MYO10: variants seen among roughly 807,000 people sequenced by gnomAD.
MYO10 encodes myosin X, also known as unconventional myosin-X.
In MYO10, 133 loss-of-function variants were observed where a neutral mutation model predicts 257.3. That is an observed-to-expected ratio of 0.52 (90% CI 0.45 to 0.60). The LOEUF (loss-of-function observed/expected upper bound fraction) is 0.60, where lower values mean the gene tolerates loss of function less well. MYO10 is among the 20% of genes least tolerant of loss of function. The pLI is 0.00. For missense variants in MYO10, 2,399 were observed against 2,635.7 expected (o/e 0.91, Z 1.97); for synonymous variants, 1,104 against 1,028.6 (o/e 1.07, Z -1.40).
chr5:16,931,872 C>T (rs1040805070), intron 1 of MYO10, among the ~76,000 whole-genome samples: 4 of 152,164 alleles, frequency 2.6e-5, no homozygotes, highest in Non-Finnish European at 5.9e-5. Flanking sequence ...ATAACAATGT[C>T]CACATTTTTC....
intron 39 of MYO10, among the ~76,000 whole-genome samples, chr5:16,669,414 C>T (rs1313042632): frequency 6.6e-6 from 1 of 152,068 alleles, no homozygotes; most frequent in Non-Finnish European, 1.5e-5. Context: ...CCGTGTTAGC[C>T]AGGATGGTCT....
intron 4 of MYO10, among the ~76,000 whole-genome samples, chr5:16,791,563 T>C (rs250352): frequency 0.42 from 63,723 of 150,886 alleles, 13,843 homozygotes; most frequent in Admixed American, 0.49. Flanking sequence ...CACACACACA[T>C]ACACATATGC....
chr5:16,779,715 T>A lies in MYO10; in HGVS notation c.827-67A>T, dbSNP rs1415723948. 8.8e-6 allele frequency: 8 copies of A among 904,930 alleles called. No individual in the cohort carries two copies. The East Asian group carries it at 2.1e-4, about 24-fold the overall frequency. The allele number at this position is 904,930 out of a possible 1,614,324, so 56.1% of individuals were successfully genotyped here. A position where few individuals can be genotyped will look rare whatever the true frequency, so the allele number is the denominator to read the frequency against. On this transcript the variant is annotated intron_variant, in intron 8 of 40. Transcript: ENST00000513610. Reference sequence around the variant, plus strand: ...AAGATGAAATTCAGAGTTTTCACTCTGACTTTTTAAAGTATATATATATAA... The same window carrying A: ...AAGATGAAATTCAGAGTTTTCACTCAGACTTTTTAAAGTATATATATATAA...
intron 3 of MYO10, among the ~76,000 whole-genome samples, chr5:16,808,952 G>A (rs1172522033): frequency 6.6e-6 from 1 of 151,778 alleles, no homozygotes; most frequent in African/African-American, 2.4e-5. Flanking sequence ...TTACAGGCAT[G>A]AGCCACCACG....
At chr5:16,885,640 C>T (rs954277047) in intron 1 of MYO10, among the ~76,000 whole-genome samples, 1 of 151,988 alleles carries the variant, frequency 6.6e-6, no homozygotes, top group Non-Finnish European at 1.5e-5. Context: ...CCACTGCACT[C>T]CAGCCCAGGC....
intron 1 of MYO10, among the ~76,000 whole-genome samples, chr5:16,929,317 GTGGACTACT>G (rs1357095297): frequency 1.3e-5 from 2 of 152,174 alleles, no homozygotes; most frequent in East Asian, 3.9e-4. Flanking sequence ...TTTCTAGGGT[GTGGACTACT>G]TGTTTTCCTA....
At chr5:16,903,738 T>G (rs1378998171) in intron 1 of MYO10, among the ~76,000 whole-genome samples, 1 of 152,186 alleles carries the variant, frequency 6.6e-6, no homozygotes, top group Non-Finnish European at 1.5e-5. Context: ...TCAAACAGTT[T>G]AATCAGAGAA....
At chr5:16,696,168 G>GATTT (rs549331000) in intron 26 of MYO10, among the ~76,000 whole-genome samples, 7 of 152,074 alleles carry the variant, frequency 4.6e-5, no homozygotes, top group Admixed American at 2.6e-4. Flanking sequence ...TGATTAATTA[G>GATTT]ATTTATTTAT....
At chr5:16,808,007 GA>G (rs1165384532) in intron 3 of MYO10, among the ~76,000 whole-genome samples, 2 of 152,192 alleles carry the variant, frequency 1.3e-5, no homozygotes, top group Admixed American at 6.5e-5. Context: ...GCCTAACACA[GA>G]GCCTGGTACC....
intron 19 of MYO10, among the ~76,000 whole-genome samples, chr5:16,749,387 T>A (rs1415919305): frequency 6.6e-6 from 1 of 151,028 alleles, no homozygotes; most frequent in African/African-American, 2.4e-5. Context: ...CTTGGAAGGC[T>A]GAGGCAGGAG....
At chr5:16,935,115 A>C (rs1408748211) in intron 1 of MYO10, among the ~76,000 whole-genome samples, 3 of 152,244 alleles carry the variant, frequency 2.0e-5, no homozygotes, top group Admixed American at 6.5e-5. Flanking sequence ...TAAAGAGGGC[A>C]TCCGTTTCAT....
At chr5:16,852,115 AAGGAAGGG>A (rs921628596) in intron 2 of MYO10, among the ~76,000 whole-genome samples, 2 of 149,646 alleles carry the variant, frequency 1.3e-5, no homozygotes, top group Non-Finnish European at 3.0e-5. Context: ...AGAAGGAAGG[AAGGAAGGG>A]AGGGAAGGAG....
At chr5:16,713,083 A>C (rs1738693074) in intron 19 of MYO10, among the ~76,000 whole-genome samples, 1 of 152,204 alleles carries the variant, frequency 6.6e-6, no homozygotes, top group Non-Finnish European at 1.5e-5. Flanking sequence ...TATCAGACTT[A>C]CTTAACTTTG....
At position 16,876,617 on chromosome 5, in the gene MYO10, CAATCT is replaced by C. The variant is rs1253041860; in HGVS notation, c.120+987_120+991del. 2.0e-5 allele frequency among the ~76,000 whole-genome samples: 3 copies of C among 152,146 alleles called. No individual in the cohort carries two copies. In the East Asian group the frequency reaches 5.8e-4, roughly 29 times the overall value. The stretch of plus-strand genomic sequence containing the variant: ...TCACCCAGACCTGAGTGCAGTGGTG[CAATCT>C]CGGCTCACTGCAACCTCCGCCTCGC... On this transcript the variant is annotated intron_variant, in intron 2 of 40. Transcript: ENST00000513610.
At chr5:16,864,169 C>A (rs962177308) in intron 2 of MYO10, among the ~76,000 whole-genome samples, 1 of 135,488 alleles carries the variant, frequency 7.4e-6, no homozygotes, top group African/African-American at 2.8e-5. Flanking sequence ...TTTTTTTTGT[C>A]ACTTGTGGTC....
At chr5:16,803,250 CCT>C (rs1178906754) in intron 3 of MYO10, among the ~76,000 whole-genome samples, 1 of 152,002 alleles carries the variant, frequency 6.6e-6, no homozygotes, top group Admixed American at 6.6e-5. Context: ...ATGTCAAAAC[CCT>C]GTCTCTACAA....
intron 1 of MYO10, among the ~76,000 whole-genome samples, chr5:16,904,748 TGAAACCC>T (rs2126787433): frequency 6.6e-6 from 1 of 152,094 alleles, no homozygotes; most frequent in East Asian, 1.9e-4. Context: ...GCTAACACGG[TGAAACCC>T]CGTCTCTACT....
chr5:16,818,394 G>GTATATATA (rs1228269109), intron 2 of MYO10, among the ~76,000 whole-genome samples: 1 of 107,794 alleles, frequency 9.3e-6, no homozygotes, highest in Admixed American at 9.4e-5. Context: ...GTGTGTGTGT[G>GTATATATA]TGTGTGTGTG....
chr5:16,693,305 C>T (rs1737588768), intron 27 of MYO10, among the ~76,000 whole-genome samples: 1 of 152,136 alleles, frequency 6.6e-6, no homozygotes, highest in Non-Finnish European at 1.5e-5. Context: ...AGGAACATCA[C>T]GGTATGTGAG....
Sources: gnomAD v4.1 joint callset for allele counts (sites outside exome capture counted in the v4.1 genomes callset) on GRCh38, gnomAD v4.1.1 for gene constraint, MANE v1.5 for transcripts, NCBI Gene and HGNC (gene_info 2026-07-23, HGNC 2026-07-21) for gene names.